The following AFF2 variants were observed in gnomAD, a reference collection of about 807,000 sequenced individuals.
AFF2 encodes the protein AF4/FMR2 family member 2.
In AFF2, 14 loss-of-function variants were observed where a neutral mutation model predicts 76.9. The ratio of observed to expected loss-of-function variants is 0.18; its 90% confidence interval spans 0.12 to 0.28. The LOEUF (loss-of-function observed/expected upper bound fraction) is 0.28, where lower values mean the gene tolerates loss of function less well. Among genes scored for constraint, AFF2 ranks in the 10% least tolerant of loss-of-function variants. AFF2 has a pLI of 1.00. For synonymous variants in AFF2, 398 were observed against 366.7 expected, an observed-to-expected ratio of 1.09 and a Z score of -0.98; for missense variants, 868 against 1,001.1, an observed-to-expected ratio of 0.87 and a Z score of 1.79.
intron 4 of AFF2, among the ~76,000 whole-genome samples, chrX:148,821,592 T>G (rs898882127): frequency 9.0e-6 from 1 of 111,183 alleles, no homozygotes; most frequent in Non-Finnish European, 1.9e-5. Flanking sequence ...CCTCTGCCTG[T>G]GATCTCATCC....
intron 1 of AFF2, among the ~76,000 whole-genome samples, chrX:148,575,739 C>T (rs1278708746): frequency 9.1e-6 from 1 of 110,181 alleles, no homozygotes; most frequent in Non-Finnish European, 1.9e-5. Context: ...ACTTGTGTCC[C>T]ATTGCAATAG....
intron 1 of AFF2, among the ~76,000 whole-genome samples, chrX:148,520,158 C>G (rs1166902506): frequency 1.8e-5 from 2 of 111,191 alleles, no homozygotes; most frequent in Non-Finnish European, 3.8e-5. Context: ...CAGTGAAACC[C>G]GAAATGCATA....
At chrX:148,966,759 A>G (rs2072180452) in intron 13 of AFF2, 31 bp from the exon 14 acceptor site, 1 of 1,202,486 alleles carries the variant, frequency 8.3e-7, no homozygotes, top group Non-Finnish European at 1.1e-6. Context: ...AGCTGGACCT[A>G]ATGGAAACTA....
intron 3 of AFF2, among the ~76,000 whole-genome samples, chrX:148,759,799 A>T (rs1187628194): frequency 2.7e-5 from 3 of 112,385 alleles, no homozygotes; most frequent in African/African-American, 9.7e-5. Flanking sequence ...AGCAGCATTT[A>T]TCCTGTGCTT....
chrX:148,977,182 A>C (rs956832341), intron 16 of AFF2, among the ~76,000 whole-genome samples: 1 of 112,331 alleles, frequency 8.9e-6, no homozygotes, highest in Non-Finnish European at 1.9e-5. Context: ...ATTTTATGCA[A>C]TGAATTGATT....
chrX:148,595,041 A>G (rs1557247115), intron 1 of AFF2, among the ~76,000 whole-genome samples: 2 of 111,833 alleles, frequency 1.8e-5, no homozygotes, highest in African/African-American at 6.5e-5. Context: ...AAAATTCCAC[A>G]AGCCTCCAGA....
intron 3 of AFF2, among the ~76,000 whole-genome samples, chrX:148,737,664 A>G (rs2055301823): frequency 1.8e-5 from 2 of 111,250 alleles, no homozygotes; most frequent in Non-Finnish European, 3.8e-5. Context: ...GTTGAAGAGG[A>G]GTGGTGAGAG....
chrX:148,555,958 T>G (rs1205084588), intron 1 of AFF2, among the ~76,000 whole-genome samples: 1 of 112,162 alleles, frequency 8.9e-6, no homozygotes, highest in South Asian at 3.7e-4. Flanking sequence ...TACAACTGAT[T>G]TCAAATGTGG....
At chrX:148,864,214 T>C (rs2070881293) in intron 7 of AFF2, among the ~76,000 whole-genome samples, 1 of 112,035 alleles carries the variant, frequency 8.9e-6, no homozygotes, top group South Asian at 3.7e-4. Flanking sequence ...TGGCTTCAAA[T>C]GGTTAACTGA....
Position 148,760,143 on chromosome X carries a change from G to C in AFF2, c.1042-49733G>C, listed in dbSNP as rs1382088382. On this transcript the variant is annotated intron_variant, in intron 3 of 20. Transcript: ENST00000370460. ...AACTAAGTCATTTGTGATTTTCTTT[G>C]TTCCAATTTACCATAGTTGGAATTT... is the stretch of plus-strand genomic sequence containing the variant. 2.7e-5 allele frequency among the ~76,000 whole-genome samples: 3 copies of C among 111,979 alleles called. No individual in the cohort carries two copies. The Admixed American group carries it at 2.8e-4, about 11-fold the overall frequency.
chrX:148,899,664 A>C (rs141274114), intron 8 of AFF2, among the ~76,000 whole-genome samples: 1 of 111,980 alleles, frequency 8.9e-6, no homozygotes, highest in Non-Finnish European at 1.9e-5. Flanking sequence ...GAATGAAAGG[A>C]AAATGCATAT....
chrX:148,661,198 A>G (rs1175324836), intron 2 of AFF2, among the ~76,000 whole-genome samples: 1 of 112,609 alleles, frequency 8.9e-6, no homozygotes, highest in African/African-American at 3.2e-5. Context: ...AAAGACACAG[A>G]AGGGCTTGAG....
intron 3 of AFF2, among the ~76,000 whole-genome samples, chrX:148,783,666 G>T (rs2069774168): frequency 9.0e-6 from 1 of 111,721 alleles, no homozygotes; most frequent in Admixed American, 9.5e-5. Context: ...CCCAAGATAT[G>T]ATTTTTTTTT....
intron 1 of AFF2, among the ~76,000 whole-genome samples, chrX:148,524,052 C>T (rs1050322269): frequency 1.8e-5 from 2 of 108,493 alleles, no homozygotes; most frequent in African/African-American, 3.4e-5. Flanking sequence ...GTTAGCACTT[C>T]GGTACTGATG....
intron 9 of AFF2, among the ~76,000 whole-genome samples, chrX:148,943,855 T>A (rs1382324188): frequency 8.9e-6 from 1 of 111,952 alleles, no homozygotes; most frequent in Non-Finnish European, 1.9e-5. Flanking sequence ...GCCTCTGGTC[T>A]TAGAAGCTTA....
intron 12 of AFF2, among the ~76,000 whole-genome samples, chrX:148,960,450 T>C (rs1685181487): frequency 8.9e-6 from 1 of 112,339 alleles, no homozygotes; most frequent in South Asian, 3.7e-4. Flanking sequence ...TTCTAGTAGG[T>C]GGGAAAGCAG....
intron 3 of AFF2, among the ~76,000 whole-genome samples, chrX:148,781,081 T>C (rs782233494): frequency 8.9e-6 from 1 of 111,997 alleles, no homozygotes; most frequent in Non-Finnish European, 1.9e-5. Context: ...AGCGGAGGCT[T>C]CAGAACAGCA....
At chrX:148,645,217 T>C (rs983112955) in intron 1 of AFF2, among the ~76,000 whole-genome samples, 24 of 111,897 alleles carry the variant, frequency 2.1e-4, no homozygotes, top group African/African-American at 7.1e-4. Context: ...GAGATTTACA[T>C]ATCGCTTTAT....
chrX:148,567,603 A>G (rs781925607), intron 1 of AFF2, among the ~76,000 whole-genome samples: 14 of 111,305 alleles, frequency 1.3e-4, no homozygotes, highest in African/African-American at 4.2e-4. Flanking sequence ...ACTCTCTGAT[A>G]TACCATTGTT....
Sources: gnomAD v4.1 joint callset for allele counts (sites outside exome capture counted in the v4.1 genomes callset) on GRCh38, gnomAD v4.1.1 for gene constraint, MANE v1.5 for transcripts, NCBI Gene and HGNC (gene_info 2026-07-23, HGNC 2026-07-21) for gene names.